The following NELFB variants were observed in gnomAD, a reference collection of about 807,000 sequenced individuals.
NELFB encodes negative elongation factor complex member B.
NELFB carries 34 observed loss-of-function variants against 60.2 expected under a neutral mutation model. The ratio of observed to expected loss-of-function variants is 0.56; its 90% CI spans 0.43 to 0.75. NELFB has a LOEUF of 0.75. NELFB is among the 30% of genes least tolerant of loss of function. The pLI is 0.00. For synonymous variants in NELFB, 459 were observed against 382.1 expected (o/e 1.20, Z -2.35); for missense variants, 770 against 831.6 (o/e 0.93, Z 0.91).
In NELFB at chr9:137,256,845, C is replaced by G. The variant is rs373844145; in HGVS notation, c.532C>G (p.Leu178Val). The change falls in exon 4 of 13, where the codon CTG becomes GTG. Residue 178 changes from leucine (L) to valine (V), a missense_variant. Leu to Val is a conservative substitution (Grantham distance 32). Coordinates refer to ENST00000343053, the MANE Select transcript of NELFB (RefSeq NM_015456.5). ...GTAGGTTCCGGAGAAAAAACTGAAG[C>G]TGGTTATGGCTGACAAGGAGCTGTA... The G allele has an allele frequency of 7.4e-6, 12 of 1,614,002 alleles. No individual in the cohort carries two copies. Among genetic ancestry groups the G allele is most frequent in the African/African-American group, 1.3e-5 (1 of 74,942 alleles).
In NELFB at chr9:137,263,157, G is replaced by C; in HGVS notation, c.862G>C (p.Glu288Gln). ...TGTGCACTACTGCACGCTGCGGGCT[G>C]AGCTGCTCATGTCCCTGCACGACCT... is the stretch of plus-strand genomic sequence containing the variant. The change falls in exon 5 of 13, where the codon GAG (glutamate) becomes CAG (glutamine). Residue 288 changes from glutamate (E) to glutamine (Q), a missense_variant. Coordinates refer to ENST00000343053, the MANE Select transcript of NELFB (RefSeq NM_015456.5). 6.2e-7 allele frequency: 1 copy of C among 1,614,000 alleles called. No individual in the cohort carries two copies. Among genetic ancestry groups the C allele is most frequent in the Non-Finnish European group, 8.5e-7 (1 of 1,179,994 alleles).
chr9:137,271,362 C>T (rs1830581996), intron 10 of NELFB, among the ~76,000 whole-genome samples: 1 of 152,262 alleles, frequency 6.6e-6, no homozygotes, highest in African/African-American at 2.4e-5. Context: ...GAAGGCCATC[C>T]TCAACCTGTC....
intron 4 of NELFB, among the ~76,000 whole-genome samples, chr9:137,260,041 T>G (rs1456704801): frequency 3.4e-5 from 5 of 147,904 alleles, no homozygotes; most frequent in Non-Finnish European, 7.5e-5. Flanking sequence ...ATTTTTATTT[T>G]TATTTATTTT....
rs1356247384 is a variant in NELFB, at chr9:137,272,087, C to A, written c.1496C>A (p.Thr499Asn). Residue 499 changes from threonine to asparagine, a missense_variant, in exon 11 of 13, where the codon ACC (threonine) becomes AAC (asparagine). Thr to Asn is a moderately conservative substitution (Grantham distance 65). Transcript: ENST00000343053. ...ATGCCTGCTGTGTCTGCAGTGGAGA[C>A]CTTTGGCGACTTGGCCTTTGGCGAC... The A allele has an allele frequency of 6.2e-7, 1 of 1,614,112 alleles. No homozygotes were observed. Among genetic ancestry groups the A allele is most frequent in the Non-Finnish European group, 8.5e-7 (1 of 1,179,990 alleles).
At chr9:137,266,466 G>C in intron 8 of NELFB, 40 bp downstream of exon 8, 1 of 1,576,314 alleles carries the variant, frequency 6.3e-7, no homozygotes, top group Non-Finnish European at 8.7e-7. Context: ...TTCCTACGAG[G>C]GGTTGTGGGC....
At chr9:137,258,847 A>G (rs1837599690) in intron 4 of NELFB, among the ~76,000 whole-genome samples, 1 of 152,212 alleles carries the variant, frequency 6.6e-6, no homozygotes, top group Non-Finnish European at 1.5e-5. Flanking sequence ...AAATGAGATC[A>G]ACTTCATTAA....
intron 1 of NELFB, 63 bp downstream of exon 1, chr9:137,255,674 G>A: frequency 6.7e-7 from 1 of 1,490,052 alleles, no homozygotes; most frequent in Non-Finnish European, 9.0e-7. Context: ...CTCGGGAGTC[G>A]GGCCTGGCGG....
At chr9:137,267,378 C>T (rs1830534422) in intron 10 of NELFB, 32 bp downstream of exon 10, 1 of 1,565,838 alleles carries the variant, frequency 6.4e-7, no homozygotes. Flanking sequence ...CTGGCTGTGT[C>T]TTCCCTGCGG....
rs1320135703 is a variant in NELFB at position 137,273,170 on chromosome 9, C to T, written c.*242C>T. 5 of 401,518 alleles carry T rather than the reference C, an allele frequency of 1.2e-5. No homozygotes were observed. The highest frequency in any genetic ancestry group is 6.2e-5 in the African/African-American group (3 of 48,192). 24.9% of individuals were successfully genotyped at this position (401,518 alleles called of 1,614,324 possible). On this transcript the variant is annotated 3_prime_UTR_variant, in exon 13 of 13. Coordinates refer to ENST00000343053, the MANE Select transcript of NELFB (RefSeq NM_015456.5). ...CTTGTACTTTGGCAGCCATAGAAAG[C>T]GTGCTCATTTTCTGTTTTCCTGTGT...
rs916682498 is a variant in NELFB at position 137,269,532 on chromosome 9, G to A, written c.1489+2186G>A. On this transcript the variant is annotated intron_variant, in intron 10 of 12. Transcript: ENST00000343053. This position sits in a 1 kb window ranked among gnomAD's most constrained non-coding sequence, Gnocchi z 5.3. ...TCTGTCTACCGTGGACCACATATACGACCACGCGGTCACATAAGCTGACAA... is the reference window on the plus strand; with the variant it reads ...TCTGTCTACCGTGGACCACATATACAACCACGCGGTCACATAAGCTGACAA... Among the ~76,000 whole-genome samples the A allele has an allele frequency of 2.6e-5, 4 of 152,132 alleles. No homozygotes were observed. The highest frequency in any genetic ancestry group is 1.9e-4 in the East Asian group (1 of 5,196).
intron 3 of NELFB, 134 bp downstream of exon 3, chr9:137,256,562 C>G: frequency 1.2e-6 from 1 of 832,576 alleles, no homozygotes; most frequent in Non-Finnish European, 1.9e-6. Context: ...CCATGGTGAG[C>G]TCTGTGCTGA....
rs774496255 is a variant in NELFB at position 137,272,901 on chromosome 9, C to T, written c.1860C>T (p.Pro620=). Residue 620 remains proline (P), a synonymous_variant, in exon 13 of 13, where the codon CCC becomes CCT. Coordinates refer to ENST00000343053, the MANE Select transcript of NELFB (RefSeq NM_015456.5). The stretch of plus-strand genomic sequence containing the variant: ...CGCCGGCCCTGGAGCTGCCCCTCCC[C>T]AGCGTGCCCGCCCCTGCCCCGCTCT... The T allele has an allele frequency of 5.2e-6, 8 of 1,543,214 alleles. No individual in the cohort carries two copies. The South Asian group carries it at 8.4e-5, about 16-fold the overall frequency.
At chr9:137,259,514 C>CCTGCATTT (rs1830397806) in intron 4 of NELFB, among the ~76,000 whole-genome samples, 1 of 152,096 alleles carries the variant, frequency 6.6e-6, no homozygotes, top group South Asian at 2.1e-4. Context: ...TGTGGGGTGC[C>CCTGCATTT]CTGCATTTCC....
chr9:137,255,572 C>T lies in NELFB; in HGVS notation c.207C>T (p.Thr69=). The change falls in exon 1 of 13, where the codon ACC becomes ACT. Residue 69 remains threonine (T), a synonymous_variant. Transcript: ENST00000343053. ...GCGAGGACCTGAAGGAGACCCTGAC[C>T]AACTGCACGGAGCCGCTCAAGGCCA... is the stretch of plus-strand genomic sequence containing the variant. 6.5e-7 allele frequency: 1 copy of T among 1,549,844 alleles called. No individual in the cohort carries two copies. Among genetic ancestry groups the T allele is most frequent in the East Asian group, 2.4e-5 (1 of 40,834 alleles).
Position 137,255,345 on chromosome 9 carries a change from G to C in NELFB, c.-21G>C. On this transcript the variant is annotated 5_prime_UTR_variant, in exon 1 of 13. Transcript: ENST00000343053. ...AGTGGGCGGCTGCGGGACGCGCGCGGAGTCGCGCGGCGGGCGGGACCTGGC... is the reference window on the plus strand; with the variant it reads ...AGTGGGCGGCTGCGGGACGCGCGCGCAGTCGCGCGGCGGGCGGGACCTGGC... The C allele has an allele frequency of 2.6e-6, 1 of 384,538 alleles. No individual in the cohort carries two copies. Among genetic ancestry groups the C allele is most frequent in the Admixed American group, 4.9e-5 (1 of 20,380 alleles). 23.8% of individuals were successfully genotyped at this position (384,538 alleles called of 1,614,324 possible). A position where few individuals can be genotyped will look rare whatever the true frequency, so the allele number is the denominator to read the frequency against.
At chr9:137,255,704 G>C in intron 1 of NELFB, 93 bp downstream of exon 1, 1 of 1,447,392 alleles carries the variant, frequency 6.9e-7, no homozygotes, top group Non-Finnish European at 9.3e-7. Flanking sequence ...AAGTTTTCCG[G>C]CTTTCTGCTG....
intron 4 of NELFB, among the ~76,000 whole-genome samples, chr9:137,261,031 G>T (rs117242144): frequency 1.4e-5 from 2 of 145,266 alleles, no homozygotes; most frequent in Non-Finnish European, 3.0e-5. Flanking sequence ...TGTACTAGGC[G>T]ACAGAGTGAG....
intron 10 of NELFB, among the ~76,000 whole-genome samples, chr9:137,268,710 G>A (rs1423153565): frequency 6.6e-6 from 1 of 152,202 alleles, no homozygotes; most frequent in Non-Finnish European, 1.5e-5. Flanking sequence ...CAGAGGGCAA[G>A]AGAGCACGGG....
At position 137,272,162 on chromosome 9, in the gene NELFB, T is replaced by A. The variant is rs1291759162; in HGVS notation, c.1571T>A (p.Phe524Tyr). 2.5e-6 allele frequency: 4 copies of A among 1,614,200 alleles called. No individual in the cohort carries two copies. The highest frequency in any genetic ancestry group is 3.4e-6 in the Non-Finnish European group (4 of 1,180,016). The change falls in exon 11 of 13, where the codon TTT (phenylalanine) becomes TAT (tyrosine). Residue 524 changes from phenylalanine (F) to tyrosine (Y), a missense_variant. Physicochemically the swap from Phe to Tyr is conservative, Grantham distance 22. Transcript: ENST00000343053. ...AACCTTGCGCTGCTGGCCGACGAAT[T>A]TGCCCTTGAGGACTTCTGCAGCAGC...
Sources: allele counts gnomAD v4.1 joint callset (sites outside exome capture counted in the v4.1 genomes callset), GRCh38; gene constraint gnomAD v4.1.1; non-coding constraint Gnocchi (gnomAD v3.1); transcripts MANE v1.5; gene names NCBI Gene and HGNC (gene_info 2026-07-23, HGNC 2026-07-21).